The following XPO6 variants were observed in gnomAD, a reference collection of about 807,000 sequenced individuals.
XPO6 encodes the protein exportin 6, also known as exportin-6.
XPO6 carries 3 observed loss-of-function variants against 130.0 expected under a neutral mutation model. That is an observed-to-expected ratio of 0.02 (90% CI 0.01 to 0.06). XPO6 has a LOEUF of 0.06. Among genes scored for constraint, XPO6 ranks in the 10% least tolerant of loss-of-function variants. The pLI, the probability that XPO6 is intolerant of heterozygous loss-of-function variation, is 1.00. For missense variants in XPO6, 970 were observed against 1,393.0 expected (o/e 0.70, Z 4.83); for synonymous variants, 524 against 548.9 (o/e 0.95, Z 0.63).
intron 4 of XPO6, among the ~76,000 whole-genome samples, chr16:28,170,387 T>C (rs1236190556): frequency 1.3e-5 from 2 of 151,902 alleles, no homozygotes; most frequent in Non-Finnish European, 1.5e-5. Context: ...TAGCTCTTTT[T>C]AACCATTCAA....
At chr16:28,170,814 A>C (rs1194753689) in intron 4 of XPO6, among the ~76,000 whole-genome samples, 6 of 152,242 alleles carry the variant, frequency 3.9e-5, no homozygotes, top group Admixed American at 3.9e-4. Flanking sequence ...TACCATAAGA[A>C]AGTTTAACTA....
At chr16:28,141,402 G>A (rs2042889019) in intron 9 of XPO6, among the ~76,000 whole-genome samples, 1 of 152,192 alleles carries the variant, frequency 6.6e-6, no homozygotes, top group Admixed American at 6.5e-5. Context: ...GAAAGGGGAG[G>A]TGAACCAATG....
intron 9 of XPO6, among the ~76,000 whole-genome samples, chr16:28,142,312 G>A (rs1009901499): frequency 2.0e-5 from 3 of 152,210 alleles, no homozygotes; most frequent in African/African-American, 7.2e-5. Context: ...TTCAGCAGCT[G>A]CTCCTGCAAA....
chr16:28,102,490 C>A (rs1398319916), intron 21 of XPO6, among the ~76,000 whole-genome samples: 2 of 152,202 alleles, frequency 1.3e-5, no homozygotes, highest in Non-Finnish European at 2.9e-5. Context: ...GTAATCCCAG[C>A]ACTTTGGGAA....
intron 23 of XPO6, among the ~76,000 whole-genome samples, chr16:28,099,452 C>G (rs747247351): frequency 6.6e-6 from 1 of 152,216 alleles, no homozygotes; most frequent in Non-Finnish European, 1.5e-5. Flanking sequence ...CAGATGCCTC[C>G]TATTTCCTGG....
intron 1 of XPO6, among the ~76,000 whole-genome samples, chr16:28,189,884 G>A (rs892821232): frequency 6.6e-6 from 1 of 152,216 alleles, no homozygotes; most frequent in African/African-American, 2.4e-5. Context: ...CCATAAAGTT[G>A]ATCGATGGCA....
At chr16:28,125,556 G>C in intron 13 of XPO6, 133 bp downstream of exon 13, 1 of 1,123,468 alleles carries the variant, frequency 8.9e-7, no homozygotes. Flanking sequence ...TTCCCTATCA[G>C]CTTGTATGTG....
chr16:28,123,007 C>A (rs149356837), intron 13 of XPO6, among the ~76,000 whole-genome samples: 1 of 152,144 alleles, frequency 6.6e-6, no homozygotes, highest in East Asian at 1.9e-4. Flanking sequence ...TGCTCAAGGG[C>A]TCACTGGATA....
intron 6 of XPO6, among the ~76,000 whole-genome samples, chr16:28,160,936 T>C (rs2043268779): frequency 6.6e-6 from 1 of 152,228 alleles, no homozygotes; most frequent in South Asian, 2.1e-4. Context: ...AGTTTTTCTA[T>C]TTTTGAAATC....
At position 28,106,552 on chromosome 16, in the gene XPO6, C is replaced by A; in HGVS notation, c.2498-55G>T. ...GGCTTGCACACAGTGAGAACCAGAA[C>A]CCTGGGCTTCATCAACCTACTCCTG... On this transcript the variant is annotated intron_variant, in intron 18 of 23. Coordinates refer to ENST00000304658, the MANE Select transcript of XPO6 (RefSeq NM_015171.4). This position sits in a 1 kb window ranked among gnomAD's most constrained non-coding sequence, Gnocchi z 4.2. 1 of 1,441,480 alleles carries A rather than the reference C, an allele frequency of 6.9e-7. No homozygotes were observed. The highest frequency in any genetic ancestry group is 9.7e-7 in the Non-Finnish European group (1 of 1,028,374). 89.3% of individuals were successfully genotyped at this position (1,441,480 alleles called of 1,614,324 possible).
intron 13 of XPO6, among the ~76,000 whole-genome samples, chr16:28,125,079 C>T (rs2087359768): frequency 6.6e-6 from 1 of 152,222 alleles, no homozygotes; most frequent in African/African-American, 2.4e-5. Flanking sequence ...ACAAGTGCAT[C>T]TGTAAACCTG....
intron 1 of XPO6, among the ~76,000 whole-genome samples, chr16:28,204,847 CCACTGGATTTAGCAA>C (rs972919162): frequency 6.6e-6 from 1 of 152,176 alleles, no homozygotes; most frequent in Non-Finnish European, 1.5e-5. Flanking sequence ...TGAGAGCTAA[CCACTGGATTTAGCAA>C]CACTGGATAA....
At chr16:28,103,041 G>A (rs905975587) in intron 21 of XPO6, among the ~76,000 whole-genome samples, 1 of 152,170 alleles carries the variant, frequency 6.6e-6, no homozygotes, top group Non-Finnish European at 1.5e-5. Context: ...AAGTATAACA[G>A]AGTAAACTTT....
chr16:28,131,926 A>C (rs948811463), intron 12 of XPO6, among the ~76,000 whole-genome samples: 1 of 152,226 alleles, frequency 6.6e-6, no homozygotes, highest in African/African-American at 2.4e-5. Context: ...CAACAGGTGC[A>C]GGGGGCAGGG....
chr16:28,172,970 G>A (rs761219455), intron 4 of XPO6: 1 of 152,040 alleles, frequency 6.6e-6, no homozygotes, highest in African/African-American at 2.4e-5. Flanking sequence ...GGAAAAAGAA[G>A]AAAAAATGGC....
At chr16:28,180,652 C>T (rs1175036673) in intron 2 of XPO6, among the ~76,000 whole-genome samples, 1 of 152,082 alleles carries the variant, frequency 6.6e-6, no homozygotes, top group African/African-American at 2.4e-5. Flanking sequence ...GGCAACATAG[C>T]AAGACCCTGT....
intron 3 of XPO6, among the ~76,000 whole-genome samples, chr16:28,176,454 G>C (rs1023325190): frequency 1.3e-5 from 2 of 150,754 alleles, no homozygotes; most frequent in Admixed American, 1.3e-4. Context: ...ATAAAGTGGG[G>C]AAAAGTAGAA....
intron 17 of XPO6, among the ~76,000 whole-genome samples, chr16:28,110,594 C>A (rs1409499105): frequency 6.6e-6 from 1 of 152,178 alleles, no homozygotes; most frequent in Non-Finnish European, 1.5e-5. Context: ...AACATAACTC[C>A]CATGTAAGAT....
At chr16:28,176,745 T>C (rs1023378847) in intron 3 of XPO6, among the ~76,000 whole-genome samples, 14 of 151,436 alleles carry the variant, frequency 9.2e-5, no homozygotes, top group Admixed American at 7.2e-4. Context: ...CCTGACCTCA[T>C]TGATCCACCC....
Sources: gnomAD v4.1 joint callset for allele counts (sites outside exome capture counted in the v4.1 genomes callset) on GRCh38, gnomAD v4.1.1 for gene constraint, Gnocchi (gnomAD v3.1) non-coding constraint, MANE v1.5 for transcripts, NCBI Gene and HGNC (gene_info 2026-07-23, HGNC 2026-07-21) for gene names.